ESYT2: variants seen among roughly 807,000 people sequenced by gnomAD.
The protein encoded by ESYT2 is extended synaptotagmin-2.
ESYT2 carries 54 observed loss-of-function variants against 107.2 expected under a neutral mutation model. That is an observed-to-expected ratio of 0.50 (90% CI 0.40 to 0.63). ESYT2 has a LOEUF of 0.63. Among genes scored for constraint, ESYT2 ranks in the 30% least tolerant of loss-of-function variants. ESYT2 has a pLI of 0.00. For missense variants in ESYT2, 1,020 were observed against 1,094.5 expected (o/e 0.93, Z 0.96); for synonymous variants, 491 against 434.1 (o/e 1.13, Z -1.63).
intron 7 of ESYT2, 136 bp from the exon 8 acceptor site, chr7:158,767,910 G>C (rs961968940): frequency 4.1e-6 from 4 of 981,546 alleles, no homozygotes; most frequent in Non-Finnish European, 5.6e-6. Flanking sequence ...CATTCCTCCA[G>C]TGCAATATTT....
Position 158,737,173 on chromosome 7 carries a change from G to T in ESYT2, c.2274C>A (p.Leu758=). The T allele has an allele frequency of 6.2e-7, 1 of 1,613,686 alleles. No homozygotes were observed. Among genetic ancestry groups the T allele is most frequent in the South Asian group, 1.1e-5 (1 of 91,062 alleles). ...CAGAGCCGTCTTCAGAGAAGGCAAT[G>T]AGGTTTCTTACAACACAAACCAGAT... The part of the protein sequence containing the change: ...LIVVVHACRN[L]IAFSEDGSDP... The change falls in exon 20 of 23, where the codon CTC becomes CTA. Residue 758 remains leucine, a synonymous_variant. Transcript: ENST00000275418.
intron 6 of ESYT2, among the ~76,000 whole-genome samples, chr7:158,784,466 A>G (rs1399195034): frequency 1.3e-5 from 2 of 152,240 alleles, no homozygotes; most frequent in Non-Finnish European, 2.9e-5. Flanking sequence ...GGAGAGGCCA[A>G]GGATGCAGGA....
At chr7:158,767,909 A>C in intron 7 of ESYT2, 135 bp from the exon 8 acceptor site, 1 of 991,282 alleles carries the variant, frequency 1.0e-6, no homozygotes, top group Non-Finnish European at 1.4e-6. Flanking sequence ...TCATTCCTCC[A>C]GTGCAATATT....
At chr7:158,824,162 C>T (rs943145091) in intron 1 of ESYT2, among the ~76,000 whole-genome samples, 4 of 152,156 alleles carry the variant, frequency 2.6e-5, no homozygotes, top group East Asian at 3.9e-4. Flanking sequence ...GAAGCAACAA[C>T]GGTCACATCC....
intron 1 of ESYT2, among the ~76,000 whole-genome samples, chr7:158,809,590 C>T (rs1243368571): frequency 6.6e-6 from 1 of 150,676 alleles, no homozygotes; most frequent in African/African-American, 2.4e-5. Context: ...AGATGCTCAA[C>T]ATTATGAGTT....
chr7:158,731,693 C>CAG lies in ESYT2; in HGVS notation c.*2512_*2513dup, dbSNP rs1836759467. On this transcript the variant is annotated 3_prime_UTR_variant, in exon 23 of 23. Coordinates refer to ENST00000275418, the MANE Select transcript of ESYT2 (RefSeq NM_001367773.1). ...ATAAGAACCCACATGTACGAGCTAA[C>CAG]AGAGCTGCACTTCAAATTTACTAAG... 1 of 152,688 alleles carries CAG rather than the reference C, an allele frequency of 6.5e-6. No homozygotes were observed. Among genetic ancestry groups the CAG allele is most frequent in the Non-Finnish European group, 1.5e-5 (1 of 68,052 alleles). The allele number at this position is 152,688 out of a possible 1,614,324, so 9.5% of individuals were successfully genotyped here. A position where few individuals can be genotyped will look rare whatever the true frequency, so the allele number is the denominator to read the frequency against.
chr7:158,808,074 T>C lies in ESYT2; in HGVS notation c.331-9002A>G, dbSNP rs543632440. 2.0e-5 allele frequency among the ~76,000 whole-genome samples: 3 copies of C among 152,272 alleles called. 1 individual carries two copies. Among genetic ancestry groups the C allele is most frequent in the African/African-American group, 4.8e-5 (2 of 41,550 alleles). Reference sequence around the variant, plus strand: ...ATTAGAAATACCCCAAATCTTAACATTGGGGTAACTAAAGTGTTTGAAAAC... The same window carrying C: ...ATTAGAAATACCCCAAATCTTAACACTGGGGTAACTAAAGTGTTTGAAAAC... On this transcript the variant is annotated intron_variant, in intron 1 of 22. Coordinates refer to ENST00000275418, the MANE Select transcript of ESYT2 (RefSeq NM_001367773.1).
intron 4 of ESYT2, among the ~76,000 whole-genome samples, chr7:158,790,134 A>G (rs748153132): frequency 7.9e-5 from 12 of 152,188 alleles, no homozygotes; most frequent in Non-Finnish European, 1.5e-4. Flanking sequence ...ACTGATGACA[A>G]TGGTGTTTGC....
In ESYT2 at chr7:158,782,483, GAGGT is replaced by G. The variant is rs1247724535; in HGVS notation, c.747+5517_747+5520del. Among the ~76,000 whole-genome samples the G allele has an allele frequency of 7.8e-3, 715 of 91,986 alleles. 7 individuals are homozygous for G. The highest frequency in any genetic ancestry group is 0.01 in the Non-Finnish European group (330 of 32,540). 60.3% of individuals were successfully genotyped at this position (91,986 alleles called of 152,430 possible). The stretch of plus-strand genomic sequence containing the variant: ...GAGTGAACGAGTGTGAGAACAGTGA[GAGGT>G]GTGTGTGAAACAAGTGAGAACAAGT... On this transcript the variant is annotated intron_variant, in intron 6 of 22. Transcript: ENST00000275418.
intron 1 of ESYT2, among the ~76,000 whole-genome samples, chr7:158,821,574 C>T (rs1840286399): frequency 6.6e-6 from 1 of 152,280 alleles, no homozygotes; most frequent in Admixed American, 6.5e-5. Context: ...CACGTCCCTG[C>T]ATCCTGTAAA....
intron 5 of ESYT2, 115 bp from the exon 6 acceptor site, chr7:158,788,208 T>A: frequency 8.6e-7 from 1 of 1,166,920 alleles, no homozygotes; most frequent in Non-Finnish European, 1.2e-6. Context: ...TTCTTATTTA[T>A]CTCAACTATG....
chr7:158,809,991 C>T (rs1028172249), intron 1 of ESYT2, among the ~76,000 whole-genome samples: 19 of 152,224 alleles, frequency 1.2e-4, no homozygotes, highest in African/African-American at 3.4e-4. Flanking sequence ...AATTAAACTA[C>T]GTTAAACTTA....
intron 16 of ESYT2, among the ~76,000 whole-genome samples, chr7:158,745,537 G>C (rs1421252255): frequency 6.6e-6 from 1 of 152,166 alleles, no homozygotes; most frequent in Non-Finnish European, 1.5e-5. Context: ...GCCAACACCA[G>C]AAAGGCACAC....
chr7:158,799,863 C>T lies in ESYT2; in HGVS notation c.331-791G>A, dbSNP rs1584866772. ...ACCTATTTAGGGCCAGGCATGGTGGCTCATGCCTGTAACCCCAACACTTTG... is the reference window on the plus strand; with the variant it reads ...ACCTATTTAGGGCCAGGCATGGTGGTTCATGCCTGTAACCCCAACACTTTG... On this transcript the variant is annotated intron_variant, in intron 1 of 22. Transcript: ENST00000275418. Among the ~76,000 whole-genome samples, 3 of 152,060 alleles carry T rather than the reference C, an allele frequency of 2.0e-5. No individual in the cohort carries two copies. In the South Asian group the frequency reaches 6.2e-4, roughly 32 times the overall value.
intron 1 of ESYT2, among the ~76,000 whole-genome samples, chr7:158,814,288 TA>T (rs1196905819): frequency 1.6e-3 from 5 of 3,220 alleles, no homozygotes; most frequent in East Asian, 0.034. Flanking sequence ...AAAAAAAAAT[TA>T]TATATATATA....
intron 6 of ESYT2, 24 bp downstream of exon 6, chr7:158,787,980 A>G: frequency 6.3e-7 from 1 of 1,593,544 alleles, no homozygotes; most frequent in Non-Finnish European, 8.6e-7. Context: ...TGGGAAAATA[A>G]AAATGAAATA....
chr7:158,823,484 G>A (rs1382195669), intron 1 of ESYT2, among the ~76,000 whole-genome samples: 5 of 151,044 alleles, frequency 3.3e-5, no homozygotes, highest in South Asian at 4.2e-4. Flanking sequence ...ACACCGCCAC[G>A]CCCGGCTAAT....
chr7:158,758,684 C>T lies in ESYT2; in HGVS notation c.1419+802G>A, dbSNP rs575268760. 4.6e-5 allele frequency among the ~76,000 whole-genome samples: 7 copies of T among 152,296 alleles called. No individual in the cohort carries two copies. The South Asian group carries it at 1.0e-3, about 23-fold the overall frequency. ...GGCTGTGGACACGATGAAATAAACA[C>T]TGAGTGCCTAGTCAGCAAGTGTATG... On this transcript the variant is annotated intron_variant, in intron 13 of 22. Transcript: ENST00000275418.
At chr7:158,825,128 A>C (rs1176174327) in intron 1 of ESYT2, among the ~76,000 whole-genome samples, 2 of 152,148 alleles carry the variant, frequency 1.3e-5, no homozygotes, top group Non-Finnish European at 2.9e-5. Context: ...CCCTGTCTCT[A>C]CTAAAAACAC....
Sources: allele counts gnomAD v4.1 joint callset (sites outside exome capture counted in the v4.1 genomes callset), GRCh38; gene constraint gnomAD v4.1.1; transcripts MANE v1.5; gene names NCBI Gene and HGNC (gene_info 2026-07-23, HGNC 2026-07-21).